The following DIAPH3 variants were observed in gnomAD, a reference collection of about 807,000 sequenced individuals.
DIAPH3 encodes the protein protein diaphanous homolog 3.
Under a neutral mutation model 144.3 loss-of-function variants are expected in DIAPH3, and 117 were observed. That is an observed-to-expected ratio of 0.81 (90% confidence interval 0.70 to 0.95). The LOEUF is 0.95. Ranked by LOEUF, DIAPH3 falls within the 40% of genes least tolerant of loss-of-function variation. The probability of loss-of-function intolerance (pLI) is 0.00; values close to 1 mark genes in which losing one functional copy is unlikely to be tolerated. For synonymous variants in DIAPH3, 519 were observed against 488.9 expected (o/e 1.06, Z -0.81); for missense variants, 1,421 against 1,412.7 (o/e 1.01, Z -0.09).
intron 3 of DIAPH3, among the ~76,000 whole-genome samples, chr13:60,096,630 C>T (rs12585291): frequency 0.037 from 5,691 of 152,276 alleles, 172 homozygotes; most frequent in East Asian, 0.1. Flanking sequence ...TATGGGCAGG[C>T]ACCATCTAAT....
chr13:59,852,817 T>C (rs1262196243), intron 22 of DIAPH3, among the ~76,000 whole-genome samples: 3 of 152,178 alleles, frequency 2.0e-5, no homozygotes, highest in Non-Finnish European at 1.5e-5. Context: ...TTTCTGACAA[T>C]ACATATTAAA....
intron 25 of DIAPH3, among the ~76,000 whole-genome samples, chr13:59,799,767 T>C (rs408858): frequency 0.75 from 113,492 of 152,144 alleles, 42,659 homozygotes; most frequent in East Asian, 0.88. Flanking sequence ...CTGTAAAAGA[T>C]ATTTTTTTGA....
chr13:59,778,714 T>G (rs2038558909), intron 25 of DIAPH3, among the ~76,000 whole-genome samples: 1 of 152,234 alleles, frequency 6.6e-6, no homozygotes, highest in African/African-American at 2.4e-5. Flanking sequence ...CTAACTACAC[T>G]TTATGTTGGT....
intron 21 of DIAPH3, among the ~76,000 whole-genome samples, chr13:59,865,588 G>T (rs140582257): frequency 0.011 from 1,705 of 151,980 alleles, 17 homozygotes; most frequent in Non-Finnish European, 0.017. Context: ...GTTTCTTTAA[G>T]GTACATTTAA....
intron 9 of DIAPH3, among the ~76,000 whole-genome samples, chr13:60,004,138 A>G (rs761319723): frequency 2.0e-5 from 3 of 152,242 alleles, no homozygotes; most frequent in Admixed American, 6.5e-5. Flanking sequence ...ATTTTCTCCA[A>G]TTTAAAAGTA....
chr13:59,724,831 C>T (rs2035527901), intron 27 of DIAPH3, among the ~76,000 whole-genome samples: 1 of 152,042 alleles, frequency 6.6e-6, no homozygotes, highest in African/African-American at 2.4e-5. Flanking sequence ...TACTTTAATT[C>T]TTCTATAAGT....
intron 1 of DIAPH3, among the ~76,000 whole-genome samples, chr13:60,134,971 AGAC>A (rs1449595083): frequency 6.6e-6 from 1 of 152,126 alleles, no homozygotes; most frequent in East Asian, 1.9e-4. Flanking sequence ...TTTAAAATAA[AGAC>A]GACTAGGGTC....
At chr13:59,880,999 A>T (rs960853353) in intron 20 of DIAPH3, among the ~76,000 whole-genome samples, 1 of 145,368 alleles carries the variant, frequency 6.9e-6, no homozygotes, top group Admixed American at 6.8e-5. Context: ...AAAAAAAAAG[A>T]AGAAGAAGAA....
chr13:59,974,260 G>A, intron 15 of DIAPH3, 92 bp downstream of exon 15: 1 of 981,476 alleles, frequency 1.0e-6, no homozygotes, highest in Non-Finnish European at 1.6e-6. Flanking sequence ...CAAAATTAAA[G>A]TTTAAACATT....
intron 2 of DIAPH3, among the ~76,000 whole-genome samples, chr13:60,121,190 T>A (rs1381934732): frequency 3.9e-5 from 6 of 151,986 alleles, no homozygotes. Context: ...GGTGATAAAG[T>A]CGCAGGCCAA....
intron 20 of DIAPH3, among the ~76,000 whole-genome samples, chr13:59,879,873 G>C (rs2044893850): frequency 6.6e-6 from 1 of 152,094 alleles, no homozygotes; most frequent in African/African-American, 2.4e-5. Context: ...ATTCAGAAAA[G>C]TCTAAAGAGG....
chr13:59,666,728 A>G lies in DIAPH3; in HGVS notation c.3438T>C (p.Thr1146=). Residue 1146 remains threonine (T), a synonymous_variant, in exon 28 of 28, where the codon ACT becomes ACC. Transcript: ENST00000400324. ...LNYNLDTHTS[T]GRIKAAEKKE... ...TCTTCTCAGCTGCCTTGATCCTCCC[A>G]GTAGACGTATGAGTGTCTAGATTAT... 1 of 1,614,126 alleles carries G rather than the reference A, an allele frequency of 6.2e-7. No homozygotes were observed. The highest frequency in any genetic ancestry group is 1.6e-4 in the Middle Eastern group (1 of 6,062).
intron 20 of DIAPH3, among the ~76,000 whole-genome samples, chr13:59,902,136 A>G (rs546403493): frequency 6.6e-6 from 1 of 152,322 alleles, no homozygotes; most frequent in South Asian, 2.1e-4. Context: ...ACATGTAAAG[A>G]AAAACTGTGT....
chr13:60,074,729 A>G (rs1278799341), intron 4 of DIAPH3, among the ~76,000 whole-genome samples: 1 of 152,148 alleles, frequency 6.6e-6, no homozygotes, highest in Admixed American at 6.5e-5. Flanking sequence ...GTATAAACTC[A>G]CAATGTCTTT....
intron 13 of DIAPH3, among the ~76,000 whole-genome samples, chr13:59,983,139 T>TAAA (rs4054895): frequency 0.23 from 23,851 of 103,934 alleles, 3,087 homozygotes; most frequent in East Asian, 0.33. Context: ...GCTTTATCTT[T>TAAA]AAAAAAAAAA....
intron 24 of DIAPH3, among the ~76,000 whole-genome samples, chr13:59,813,378 T>C (rs376873896): frequency 1.3e-5 from 2 of 151,854 alleles, no homozygotes; most frequent in Non-Finnish European, 2.9e-5. Flanking sequence ...ATTCTCAAAT[T>C]GGATTCTGCA....
At chr13:60,161,122 C>A (rs1396223132) in intron 1 of DIAPH3, among the ~76,000 whole-genome samples, 1 of 152,202 alleles carries the variant, frequency 6.6e-6, no homozygotes, top group Non-Finnish European at 1.5e-5. Context: ...ACACTGGCCA[C>A]CTAAATTACT....
At chr13:59,824,900 G>A (rs759661961) in intron 24 of DIAPH3, among the ~76,000 whole-genome samples, 28 of 151,872 alleles carry the variant, frequency 1.8e-4, no homozygotes, top group Non-Finnish European at 3.4e-4. Context: ...AAATCCCATC[G>A]GGAAATGTTC....
intron 27 of DIAPH3, among the ~76,000 whole-genome samples, chr13:59,745,005 T>C (rs1052506906): frequency 6.6e-6 from 1 of 152,234 alleles, no homozygotes; most frequent in African/African-American, 2.4e-5. Context: ...CTAGAGTTTA[T>C]GGATAACCTT....
Sources: gnomAD v4.1 joint callset for allele counts (sites outside exome capture counted in the v4.1 genomes callset) on GRCh38, gnomAD v4.1.1 for gene constraint, MANE v1.5 for transcripts, NCBI Gene and HGNC (gene_info 2026-07-23, HGNC 2026-07-21) for gene names.